The following PASK variants were observed in gnomAD, a reference collection of about 807,000 sequenced individuals.
PASK encodes the protein PAS domain-containing serine/threonine-protein kinase.
A neutral mutation model predicts 121.0 loss-of-function variants in PASK; 110 were observed. That is an observed-to-expected ratio of 0.91 (90% CI 0.78 to 1.06). The LOEUF (loss-of-function observed/expected upper bound fraction) is 1.06. Among genes scored for constraint, PASK ranks in the 50% least tolerant of loss-of-function variants. PASK has a pLI of 0.00. For synonymous variants in PASK, 686 were observed against 717.8 expected, an observed-to-expected ratio of 0.96 and a Z score of 0.71; for missense variants, 1,643 against 1,702.3, an observed-to-expected ratio of 0.97 and a Z score of 0.61.
upstream of PASK, chr2:241,150,137 C>G (rs1047097772): frequency 7.9e-6 from 10 of 1,273,562 alleles, no homozygotes; most frequent in African/African-American, 3.1e-5. Flanking sequence ...GAGGTCGAGA[C>G]AGTGACATAA....
rs530880186 is a variant in PASK at position 241,131,501 on chromosome 2, T to C, written c.1463+1373A>G. Among the ~76,000 whole-genome samples, 10 of 152,302 alleles carry C rather than the reference T, an allele frequency of 6.6e-5. No homozygotes were observed. The South Asian group carries it at 2.1e-3, about 32-fold the overall frequency. ...ACATACTTTATATGTATCTATTACA[T>C]ATTTTTTAAATAATTTCAAGACTAG... is the stretch of plus-strand genomic sequence containing the variant. On this transcript the variant is annotated intron_variant, in intron 9 of 17. Transcript: ENST00000234040.
intron 2 of PASK, among the ~76,000 whole-genome samples, chr2:241,141,329 C>T (rs2066689264): frequency 6.6e-6 from 1 of 152,150 alleles, no homozygotes; most frequent in Non-Finnish European, 1.5e-5. Flanking sequence ...CCTTCCTTCC[C>T]ACCTTCTGTC....
chr2:241,126,742 C>A lies in PASK; in HGVS notation c.2173G>T (p.Gly725Cys). Reference sequence around the variant, plus strand: ...TCCTGGGCCTCCACTGCTTCCAGGCCCCCAGGGAGGTCCGTGGCCAAGGCA... The same window carrying A: ...TCCTGGGCCTCCACTGCTTCCAGGCACCCAGGGAGGTCCGTGGCCAAGGCA... ...CYALATDLPG[G>C]LEAVEAQEVD... is the part of the protein sequence containing the mutation. Residue 725 changes from glycine to cysteine, a missense_variant, in exon 10 of 18, where the codon GGC (glycine) becomes TGC (cysteine). Gly to Cys is a radical substitution (Grantham distance 159). This residue lies in a region of PASK where 1,176 missense variants were observed against 1,162.2 expected (regional missense o/e 1.01). Coordinates refer to ENST00000234040, the MANE Select transcript of PASK (RefSeq NM_015148.4). The A allele has an allele frequency of 6.2e-7, 1 of 1,614,124 alleles. No homozygotes were observed. The highest frequency in any genetic ancestry group is 8.5e-7 in the Non-Finnish European group (1 of 1,180,032).
Position 241,126,890 on chromosome 2 carries a change from C to T in PASK, c.2025G>A (p.Leu675=). 1 of 1,613,542 alleles carries T rather than the reference C, an allele frequency of 6.2e-7. No individual in the cohort carries two copies. The highest frequency in any genetic ancestry group is 8.5e-7 in the Non-Finnish European group (1 of 1,179,544). Residue 675 remains leucine, a synonymous_variant, in exon 10 of 18, where the codon CTG becomes CTA. Transcript: ENST00000234040. ...QLSQLSLAGA[L]DVPHAELVPT... is the part of the protein sequence containing the mutation. ...GAACGAGTTCGGCGTGGGGGACATC[C>T]AGGGCTCCTGCAAGGCTCAACTGGG... is the stretch of plus-strand genomic sequence containing the variant.
chr2:241,110,949 A>G (rs2065086939), intron 15 of PASK, among the ~76,000 whole-genome samples: 1 of 152,180 alleles, frequency 6.6e-6, no homozygotes. Flanking sequence ...CACTTCCTCC[A>G]TACTCTGCAC....
chr2:241,132,527 T>TTAA (rs1486560170), intron 9 of PASK, among the ~76,000 whole-genome samples: 1 of 39,526 alleles, frequency 2.5e-5, no homozygotes, highest in African/African-American at 1.0e-4. Flanking sequence ...AGACTCTGTC[T>TTAA]AAAAAAAAAA....
chr2:241,140,031 A>T lies in PASK; in HGVS notation c.454T>A (p.Cys152Ser). Reference sequence around the variant, plus strand: ...TGGCTGCTGTACCCCAGGAGCCCGCAAGCTTTGTCGTTAGCAACCAGGATC... The same window carrying T: ...TGGCTGCTGTACCCCAGGAGCCCGCTAGCTTTGTCGTTAGCAACCAGGATC... Reference protein sequence around the residue: ...TEILVANDKACGLLGYSSQDL... With the variant: ...TEILVANDKASGLLGYSSQDL... The change falls in exon 4 of 18, where the codon TGC becomes AGC. Residue 152 changes from cysteine to serine, a missense_variant. Coordinates refer to ENST00000234040, the MANE Select transcript of PASK (RefSeq NM_015148.4). 3 of 1,614,090 alleles carry T rather than the reference A, an allele frequency of 1.9e-6. No homozygotes were observed. The highest frequency in any genetic ancestry group is 2.5e-6 in the Non-Finnish European group (3 of 1,179,956).
rs2041086 is a variant in PASK at position 241,117,741 on chromosome 2, A to C, written c.3073-2328T>G. 1.8e-3 allele frequency among the ~76,000 whole-genome samples: 275 copies of C among 152,340 alleles called. 1 individual carries two copies. The highest frequency in any genetic ancestry group is 6.2e-3 in the African/African-American group (259 of 41,574). On this transcript the variant is annotated intron_variant, in intron 12 of 17. Coordinates refer to ENST00000234040, the MANE Select transcript of PASK (RefSeq NM_015148.4). ...CACTTCAAAATAATGCTAGATTACA[A>C]CAGATACAGGTCTAAAAAGTTCTGA...
rs1170807482 is a variant in PASK, at chr2:241,123,984, T to C, written c.2869A>G (p.Thr957Ala). ...LASLPGSTHS[T>A]AAELTGPSLV... The stretch of plus-strand genomic sequence containing the variant: ...CTGGGTCCGGTGAGCTCAGCAGCGG[T>C]AGAGTGGGTGGAGCCGGGCAGGCTG... The change falls in exon 11 of 18, where the codon ACC (threonine) becomes GCC (alanine). Residue 957 changes from threonine (T) to alanine (A), a missense_variant. Transcript: ENST00000234040. The C allele has an allele frequency of 6.2e-7, 1 of 1,613,716 alleles. No homozygotes were observed. Among genetic ancestry groups the C allele is most frequent in the Non-Finnish European group, 8.5e-7 (1 of 1,180,006 alleles).
intron 14 of PASK, chr2:241,114,563 T>G (rs773555995): frequency 1.9e-5 from 19 of 1,015,122 alleles, no homozygotes; most frequent in Non-Finnish European, 2.1e-5. Flanking sequence ...AAGTTCAATA[T>G]GTAATTAGAC....
chr2:241,146,376 A>T (rs150781097), intron 1 of PASK, among the ~76,000 whole-genome samples: 1 of 152,354 alleles, frequency 6.6e-6, no homozygotes, highest in Non-Finnish European at 1.5e-5. Context: ...TTTTGCAAAC[A>T]GATAAGAAGA....
chr2:241,140,558 T>A lies in PASK; in HGVS notation c.392A>T (p.Asn131Ile). 6.2e-7 allele frequency: 1 copy of A among 1,613,670 alleles called. No homozygotes were observed. The change falls in exon 3 of 18, where the codon AAC becomes ATC. Residue 131 changes from asparagine to isoleucine, a missense_variant. Physicochemically the swap from Asn to Ile is moderately radical, Grantham distance 149. Around this residue, in one of 3 missense-constraint regions of PASK, gnomAD observed 1,176 missense variants for 1,162.2 expected, o/e 1.01. Transcript: ENST00000234040. ...PLLPAPVCNP[N>I]KAIFTVDAKT... ...GGCATCCACCGTGAAGATGGCCTTG[T>A]TAGGGTTGCACACAGGGGCCGGAAG...
chr2:241,138,498 C>A (rs1481602561), intron 5 of PASK, among the ~76,000 whole-genome samples, 156 bp downstream of exon 5: 2 of 152,246 alleles, frequency 1.3e-5, no homozygotes, highest in East Asian at 1.9e-4. Flanking sequence ...CCTGCCCAAG[C>A]ACACGCAATC....
rs573905390 is a variant in PASK, at chr2:241,137,046, C to T, written c.1095G>A (p.Ala365=). ...TCTTTCCGTAACCAAACAGTGTCAG[C>T]GCGAAGCTGTGGTTGATGCCGTGGA... The part of the protein sequence containing the change: ...GTIHGINHSF[A]LTLFGYGKTE... Residue 365 remains alanine, a synonymous_variant, in exon 7 of 18, where the codon GCG becomes GCA. Transcript: ENST00000234040. 3.0e-5 allele frequency: 48 copies of T among 1,613,504 alleles called. 1 individual carries two copies. In the South Asian group the frequency reaches 3.8e-4, roughly 13 times the overall value.
At chr2:241,136,651 TTTAAC>T (rs1392029190) in intron 7 of PASK, among the ~76,000 whole-genome samples, 1 of 139,954 alleles carries the variant, frequency 7.1e-6, no homozygotes, top group East Asian at 6.3e-4. Flanking sequence ...CTAACTTAAA[TTTAAC>T]GTAACTACAA....
Position 241,106,292 on chromosome 2 carries a change from A to G in PASK, c.*274T>C. On this transcript the variant is annotated 3_prime_UTR_variant, in exon 18 of 18. Transcript: ENST00000234040. ...AAAGAGAAAACACTCATGCCTTCAGAAGTTCACAAATTAAAAGCCCTTTAA... is the reference window on the plus strand; with the variant it reads ...AAAGAGAAAACACTCATGCCTTCAGGAGTTCACAAATTAAAAGCCCTTTAA... 4.0e-6 allele frequency: 2 copies of G among 497,570 alleles called. No homozygotes were observed. Among genetic ancestry groups the G allele is most frequent in the Non-Finnish European group, 7.2e-6 (2 of 276,508 alleles). The allele number at this position is 497,570 out of a possible 1,614,324, so 30.8% of individuals were successfully genotyped here. A position where few individuals can be genotyped will look rare whatever the true frequency, so the allele number is the denominator to read the frequency against.
intron 12 of PASK, among the ~76,000 whole-genome samples, chr2:241,117,132 G>A (rs1405911034): frequency 1.3e-5 from 2 of 152,284 alleles, no homozygotes. Context: ...TCGGGGCCAG[G>A]GCGGGAGCAG....
At position 241,133,188 on chromosome 2, in the gene PASK, T is replaced by C; in HGVS notation, c.1307-158A>G. On this transcript the variant is annotated intron_variant, in intron 8 of 17. Transcript: ENST00000234040. Reference sequence around the variant, plus strand: ...GTCCCAGGTCCAACCCAGCGCCCTCTTCTCTGCCTCCTGTCTCCCTGCTCC... The same window carrying C: ...GTCCCAGGTCCAACCCAGCGCCCTCCTCTCTGCCTCCTGTCTCCCTGCTCC... The C allele has an allele frequency of 4.2e-6, 3 of 718,246 alleles. No homozygotes were observed. The South Asian group carries it at 4.5e-5, about 11-fold the overall frequency. The allele number at this position is 718,246 out of a possible 1,614,324, so 44.5% of individuals were successfully genotyped here. A position where few individuals can be genotyped will look rare whatever the true frequency, so the allele number is the denominator to read the frequency against.
intron 11 of PASK, among the ~76,000 whole-genome samples, chr2:241,123,257 G>A (rs1291473293): frequency 6.7e-6 from 1 of 149,106 alleles, no homozygotes; most frequent in Non-Finnish European, 1.5e-5. Context: ...CTCACTGCAA[G>A]CTCCGCCTCC....
Sources: gnomAD v4.1 joint callset for allele counts (sites outside exome capture counted in the v4.1 genomes callset) on GRCh38, gnomAD v4.1.1 for gene constraint, gnomAD v4.1.1 regional missense constraint, MANE v1.5 for transcripts, NCBI Gene and HGNC (gene_info 2026-07-23, HGNC 2026-07-21) for gene names.